FAF1: variants seen among roughly 807,000 people sequenced by gnomAD.
The protein encoded by FAF1 is Fas associated factor 1.
Under a neutral mutation model 92.5 loss-of-function variants are expected in FAF1, and 25 were observed. That is an observed-to-expected ratio of 0.27 (90% CI 0.20 to 0.38). FAF1 has a LOEUF of 0.38. Among genes scored for constraint, FAF1 ranks in the 10% least tolerant of loss-of-function variants. The probability of loss-of-function intolerance (pLI) is 1.00; values close to 1 mark genes in which losing one functional copy is unlikely to be tolerated. For missense variants in FAF1, 636 were observed against 793.3 expected (o/e 0.80, Z 2.38); for synonymous variants, 234 against 273.2 (o/e 0.86, Z 1.42).
At position 50,788,044 on chromosome 1, in the gene FAF1, C is replaced by A. The variant is rs762790245; in HGVS notation, c.323G>T (p.Arg108Ile). Residue 108 changes from arginine (R) to isoleucine (I), a missense_variant, in exon 4 of 19, where the codon AGA becomes ATA. Around this residue, in one of 2 missense-constraint regions of FAF1, gnomAD observed 317 missense variants for 342.4 expected, o/e 0.93. Coordinates refer to ENST00000396153, the MANE Select transcript of FAF1 (RefSeq NM_007051.3). ...AAGTACCACATCAACATTTCTGTCT[C>A]TGTATTCAACCCTGAAGTCCAGCAT... ...PRMLDFRVEYRDRNVDVVLED... is the reference protein window; with the variant it reads ...PRMLDFRVEYIDRNVDVVLED... 2 of 1,614,160 alleles carry A rather than the reference C, an allele frequency of 1.2e-6. No individual in the cohort carries two copies. Among genetic ancestry groups the A allele is most frequent in the Admixed American group, 1.7e-5 (1 of 60,018 alleles).
intron 8 of FAF1, among the ~76,000 whole-genome samples, chr1:50,642,719 T>C (rs1654397211): frequency 7.1e-6 from 1 of 141,524 alleles, no homozygotes; most frequent in Non-Finnish European, 1.5e-5. Flanking sequence ...AGTTCATTTT[T>C]AATAATCTTT....
intron 1 of FAF1, among the ~76,000 whole-genome samples, chr1:50,956,792 T>C (rs1645270465): frequency 6.6e-6 from 1 of 152,172 alleles, no homozygotes; most frequent in Non-Finnish European, 1.5e-5. Flanking sequence ...CTACTAAAAA[T>C]ACAAAATTAG....
At chr1:50,670,044 A>T (rs1023183842) in intron 7 of FAF1, among the ~76,000 whole-genome samples, 3 of 151,708 alleles carry the variant, frequency 2.0e-5, no homozygotes, top group African/African-American at 7.3e-5. Context: ...TCGCTTGAAC[A>T]AGGGAGGTGG....
At chr1:50,563,529 C>T (rs1242376616) in intron 13 of FAF1, among the ~76,000 whole-genome samples, 1 of 152,022 alleles carries the variant, frequency 6.6e-6, no homozygotes, top group Non-Finnish European at 1.5e-5. Flanking sequence ...GATAAGGTGG[C>T]CCAAAAGACT....
At chr1:50,478,166 CT>C (rs1287733132) in intron 17 of FAF1, among the ~76,000 whole-genome samples, 343 of 139,308 alleles carry the variant, frequency 2.5e-3, no homozygotes, top group Admixed American at 2.5e-3. Context: ...AGTGGTGGTT[CT>C]TTTTTTTTTT....
At position 50,664,301 on chromosome 1, in the gene FAF1, T is replaced by C. The variant is rs530059685; in HGVS notation, c.658-8773A>G. Among the ~76,000 whole-genome samples the C allele has an allele frequency of 1.1e-4, 17 of 149,540 alleles. No homozygotes were observed. The South Asian group carries it at 2.6e-3, about 23-fold the overall frequency. On this transcript the variant is annotated intron_variant, in intron 7 of 18. Coordinates refer to ENST00000396153, the MANE Select transcript of FAF1 (RefSeq NM_007051.3). The stretch of plus-strand genomic sequence containing the variant: ...ATGAGCCACTGTGCCCGGCCAATCT[T>C]TAGTTTTTCTGTCTCAAGCTTAAGT...
chr1:50,948,044 A>G (rs1172249180), intron 1 of FAF1, among the ~76,000 whole-genome samples: 1 of 152,234 alleles, frequency 6.6e-6, no homozygotes, highest in African/African-American at 2.4e-5. Flanking sequence ...ACAATCTAAC[A>G]TAAGACTCAA....
At position 50,911,045 on chromosome 1, in the gene FAF1, C is replaced by T. The variant is rs560275923; in HGVS notation, c.45+48722G>A. 3.3e-5 allele frequency among the ~76,000 whole-genome samples: 5 copies of T among 152,086 alleles called. No homozygotes were observed. The East Asian group carries it at 7.8e-4, about 24-fold the overall frequency. ...CTTCCTTTTTCTCCTAAGGTAACCA[C>T]TATCCGGAATTTTGCTTTATTTATT... is the stretch of plus-strand genomic sequence containing the variant. On this transcript the variant is annotated intron_variant, in intron 1 of 18. Coordinates refer to ENST00000396153, the MANE Select transcript of FAF1 (RefSeq NM_007051.3).
chr1:50,908,976 T>C (rs1252117680), intron 1 of FAF1, among the ~76,000 whole-genome samples: 2 of 152,222 alleles, frequency 1.3e-5, no homozygotes, highest in Admixed American at 6.5e-5. Flanking sequence ...GCATCGATTG[T>C]CTTTACAATT....
intron 1 of FAF1, among the ~76,000 whole-genome samples, chr1:50,916,925 T>A (rs1261509914): frequency 1.3e-5 from 2 of 152,122 alleles, no homozygotes; most frequent in African/African-American, 4.8e-5. Context: ...TGAACCAAGC[T>A]GTAGTTTTAA....
intron 9 of FAF1, among the ~76,000 whole-genome samples, chr1:50,594,969 C>A (rs1288001825): frequency 6.6e-6 from 1 of 151,738 alleles, no homozygotes; most frequent in African/African-American, 2.4e-5. Flanking sequence ...CTTATCTGCC[C>A]CTTCTCTTTG....
chr1:50,573,109 C>T (rs966035809), intron 12 of FAF1, among the ~76,000 whole-genome samples: 3 of 143,208 alleles, frequency 2.1e-5, no homozygotes, highest in African/African-American at 7.6e-5. Flanking sequence ...TTTTTCTTTT[C>T]TTTTTTTTTT....
intron 8 of FAF1, among the ~76,000 whole-genome samples, chr1:50,624,194 C>T (rs1653356843): frequency 1.3e-5 from 2 of 152,134 alleles, no homozygotes; most frequent in South Asian, 4.1e-4. Context: ...GTCGCCCAGG[C>T]TGGGGTGGAG....
chr1:50,779,601 T>C (rs1046197110), intron 4 of FAF1, among the ~76,000 whole-genome samples: 3 of 151,324 alleles, frequency 2.0e-5, no homozygotes, highest in African/African-American at 7.3e-5. Context: ...AAATACTCTA[T>C]AAAATATGTA....
chr1:50,482,357 T>C (rs1646713900), intron 17 of FAF1, among the ~76,000 whole-genome samples: 2 of 152,214 alleles, frequency 1.3e-5, no homozygotes. Context: ...TACAGCTTGA[T>C]GACCCCTTCT....
intron 1 of FAF1, among the ~76,000 whole-genome samples, chr1:50,921,743 T>C (rs12074982): frequency 0.085 from 12,963 of 151,652 alleles, 575 homozygotes; most frequent in African/African-American, 0.095. Flanking sequence ...ATCACACCAC[T>C]GCACTCCAGC....
At chr1:50,591,164 ACCAAATGCAG>A (rs1228149875) in intron 9 of FAF1, among the ~76,000 whole-genome samples, 2 of 152,158 alleles carry the variant, frequency 1.3e-5, no homozygotes, top group Non-Finnish European at 2.9e-5. Flanking sequence ...GTTGAATGTT[ACCAAATGCAG>A]ATGATGACGT....
intron 17 of FAF1, among the ~76,000 whole-genome samples, chr1:50,488,754 T>A (rs1646796145): frequency 6.6e-6 from 1 of 152,182 alleles, no homozygotes; most frequent in South Asian, 2.1e-4. Flanking sequence ...TGAACTTCAG[T>A]TTTTTTCACT....
chr1:50,458,791 C>G (rs1170017263), intron 18 of FAF1, among the ~76,000 whole-genome samples: 3 of 152,148 alleles, frequency 2.0e-5, no homozygotes, highest in Non-Finnish European at 4.4e-5. Context: ...ATGTGTAACA[C>G]TTCATTTCAT....
Sources: allele counts gnomAD v4.1 joint callset (sites outside exome capture counted in the v4.1 genomes callset), GRCh38; gene constraint gnomAD v4.1.1; regional missense constraint gnomAD v4.1.1; transcripts MANE v1.5; gene names NCBI Gene and HGNC (gene_info 2026-07-23, HGNC 2026-07-21).